Variants in NAF1 observed in about 807,000 individuals in gnomAD.
NAF1 encodes the protein nuclear assembly factor 1 ribonucleoprotein, also known as H/ACA ribonucleoprotein complex non-core subunit NAF1.
NAF1 carries 11 observed loss-of-function variants against 40.6 expected under a neutral mutation model. The observed-to-expected ratio is 0.27, with a 90% CI of 0.17 to 0.45. The LOEUF (loss-of-function observed/expected upper bound fraction) is 0.45, where lower values mean the gene tolerates loss of function less well. Ranked by LOEUF, NAF1 falls within the 20% of genes least tolerant of loss-of-function variation. The pLI is 1.00. For missense variants in NAF1, 607 were observed against 611.1 expected (o/e 0.99, Z 0.07); for synonymous variants, 260 against 228.5 (o/e 1.14, Z -1.24).
chr4:163,112,336 G>A (rs1439435832), intron 2 of NAF1, among the ~76,000 whole-genome samples: 1 of 152,110 alleles, frequency 6.6e-6, no homozygotes, highest in Non-Finnish European at 1.5e-5. Flanking sequence ...ACATGGTGAT[G>A]GAAATCTGAA....
intron 4 of NAF1, among the ~76,000 whole-genome samples, chr4:163,144,232 G>A (rs577746614): frequency 6.6e-6 from 1 of 152,260 alleles, no homozygotes; most frequent in African/African-American, 2.4e-5. Context: ...CTTAATCAGT[G>A]GGGAAGGCAA....
intron 2 of NAF1, among the ~76,000 whole-genome samples, chr4:163,112,461 T>C (rs1419687505): frequency 3.3e-5 from 5 of 152,074 alleles, no homozygotes; most frequent in Non-Finnish European, 5.9e-5. Flanking sequence ...AGGAAACACA[T>C]GGATGGAGGA....
At chr4:163,163,506 T>C (rs980145779) in intron 2 of NAF1, among the ~76,000 whole-genome samples, 2 of 152,024 alleles carry the variant, frequency 1.3e-5, no homozygotes, top group African/African-American at 4.8e-5. Flanking sequence ...AAAAAAACAA[T>C]GTGATAATAT....
At chr4:163,124,933 T>C (rs1730610962), downstream of NAF1, among the ~76,000 whole-genome samples, 1 of 152,238 alleles carries the variant, frequency 6.6e-6, no homozygotes, top group South Asian at 2.1e-4. Flanking sequence ...GCTCACTTCA[T>C]GTATTCTGTC....
chr4:163,138,166 T>C (rs1731128180), intron 5 of NAF1, among the ~76,000 whole-genome samples: 1 of 152,146 alleles, frequency 6.6e-6, no homozygotes, highest in African/African-American at 2.4e-5. Flanking sequence ...TTAAAATCAA[T>C]GTACAGATGT....
chr4:163,112,688 G>A (rs1730199482), intron 2 of NAF1, among the ~76,000 whole-genome samples: 1 of 152,182 alleles, frequency 6.6e-6, no homozygotes. Flanking sequence ...CCCAGCAGCT[G>A]GGGTATAAGG....
chr4:163,104,840 A>G, the NAF1 span, among the ~76,000 whole-genome samples: 51 of 152,338 alleles, frequency 3.3e-4, no homozygotes, highest in Non-Finnish European at 6.6e-4. Flanking sequence ...AGTATAAATG[A>G]CTAGGAAAGC....
chr4:163,159,359 T>C (rs1353599289), intron 2 of NAF1, among the ~76,000 whole-genome samples: 2 of 152,086 alleles, frequency 1.3e-5, no homozygotes, highest in East Asian at 1.9e-4. Context: ...GGGAAGAATG[T>C]TAATAAGTGC....
intron 7 of NAF1, among the ~76,000 whole-genome samples, chr4:163,131,439 A>G (rs1017172535): frequency 1.3e-5 from 2 of 152,194 alleles, no homozygotes; most frequent in Admixed American, 1.3e-4. Flanking sequence ...TCAGCAAGAC[A>G]TTTGTTGATG....
rs562172932 is a variant in NAF1, at chr4:163,150,539, CAT to C, written c.541-2107_541-2106del. Among the ~76,000 whole-genome samples, 357 of 152,184 alleles carry C rather than the reference CAT, an allele frequency of 2.3e-3. 2 individuals are homozygous for C. Among genetic ancestry groups the C allele is most frequent in the African/African-American group, 8.3e-3 (344 of 41,540 alleles). ...CATATCTTTCTATAACAAACAAAAA[CAT>C]ATATCTAATTTTACTTAAACACTTA... On this transcript the variant is annotated intron_variant, in intron 2 of 7. Transcript: ENST00000274054.
intron 2 of NAF1, among the ~76,000 whole-genome samples, chr4:163,112,545 CT>C (rs1349931672): frequency 6.6e-6 from 1 of 152,144 alleles, no homozygotes; most frequent in Non-Finnish European, 1.5e-5. Flanking sequence ...TTCCTCCAGC[CT>C]TTATGCTGCC....
chr4:163,117,627 G>C (rs1730379916), intron 2 of NAF1: 1 of 146,646 alleles, frequency 6.8e-6, no homozygotes, highest in African/African-American at 2.6e-5. Context: ...GAAAGCAAAT[G>C]TCTCCTAGGA....
intron 6 of NAF1, 33 bp downstream of exon 6, chr4:163,137,166 T>C (rs1731091065): frequency 1.2e-6 from 2 of 1,610,522 alleles, no homozygotes; most frequent in South Asian, 1.1e-5. Context: ...TGCCCTACTT[T>C]ATAAAATGTT....
intron 5 of NAF1, among the ~76,000 whole-genome samples, chr4:163,138,381 T>C (rs1032175983): frequency 6.6e-6 from 1 of 152,148 alleles, no homozygotes; most frequent in African/African-American, 2.4e-5. Context: ...TCTGGACTGC[T>C]GTTAGCCTGG....
intron 2 of NAF1, 57 bp downstream of exon 2, chr4:163,164,160 G>A (rs1211271694): frequency 7.0e-7 from 1 of 1,420,534 alleles, no homozygotes; most frequent in East Asian, 2.7e-5. Flanking sequence ...GATCAATACT[G>A]GTACCAGAAT....
At chr4:163,111,089 A>T (rs905685226) in intron 2 of NAF1, among the ~76,000 whole-genome samples, 12 of 152,238 alleles carry the variant, frequency 7.9e-5, no homozygotes, top group Admixed American at 1.3e-4. Context: ...ATTTCTGGAC[A>T]TAACTTCAAC....
rs753989084 is a variant in NAF1 at position 163,148,421 on chromosome 4, A to G, written c.554T>C (p.Val185Ala). 2 of 1,580,418 alleles carry G rather than the reference A, an allele frequency of 1.3e-6. No homozygotes were observed. The highest frequency in any genetic ancestry group is 1.7e-6 in the Non-Finnish European group (2 of 1,168,502). The change falls in exon 3 of 8, where the codon GTT (valine) becomes GCT (alanine). Residue 185 changes from valine to alanine, a missense_variant. Transcript: ENST00000274054. ...AGGCAGAATAATAGTGAGTTCTTCAACAGAAGGCAGTTCCTATAATTTAAA... is the reference window on the plus strand; with the variant it reads ...AGGCAGAATAATAGTGAGTTCTTCAGCAGAAGGCAGTTCCTATAATTTAAA... ...DELLLNELPS[V>A]EELTIILPED... is the part of the protein sequence containing the mutation.
intron 5 of NAF1, 23 bp from the exon 6 acceptor site, chr4:163,137,273 T>G: frequency 6.3e-7 from 1 of 1,592,476 alleles, no homozygotes; most frequent in Non-Finnish European, 8.5e-7. Context: ...GGGATGGGAG[T>G]CAAAAAAGTA....
chr4:163,166,829 A>C lies in NAF1; in HGVS notation c.-102T>G. 3.4e-6 allele frequency: 5 copies of C among 1,463,338 alleles called. No individual in the cohort carries two copies. The highest frequency in any genetic ancestry group is 3.6e-6 in the Non-Finnish European group (4 of 1,095,912). 90.6% of individuals were successfully genotyped at this position (1,463,338 alleles called of 1,614,324 possible). ...AAACAACTTAGGCAACCGCAGCAAC[A>C]CTGCCTGGGCCCAACTTCCCGCGTT... On this transcript the variant is annotated 5_prime_UTR_variant, in exon 1 of 8. Transcript: ENST00000274054.
Sources: allele counts gnomAD v4.1 joint callset (sites outside exome capture counted in the v4.1 genomes callset), GRCh38; gene constraint gnomAD v4.1.1; transcripts MANE v1.5; gene names NCBI Gene and HGNC (gene_info 2026-07-23, HGNC 2026-07-21).